The following ZAN variants were observed in gnomAD, a reference collection of about 807,000 sequenced individuals.
ZAN encodes the protein zonadhesin.
Under a neutral mutation model 286.2 loss-of-function variants are expected in ZAN, and 260 were observed. The observed-to-expected ratio is 0.91, with a 90% CI of 0.82 to 1.01. The LOEUF (loss-of-function observed/expected upper bound fraction) is 1.01, where lower values mean the gene tolerates loss of function less well. Ranked by LOEUF, ZAN falls within the 50% of genes least tolerant of loss-of-function variation. The pLI is 0.00. For synonymous variants in ZAN, 1,368 were observed against 1,417.5 expected (o/e 0.97, Z 0.79); for missense variants, 3,410 against 3,639.2 (o/e 0.94, Z 1.62).
At chr7:100,771,759 A>C in intron 28 of ZAN, 85 bp from the exon 29 acceptor site, 2 of 1,408,976 alleles carry the variant, frequency 1.4e-6, no homozygotes, top group Non-Finnish European at 1.9e-6. Flanking sequence ...ACTGAAGTGG[A>C]TGTCGAATCA....
chr7:100,776,524 G>T lies in ZAN; in HGVS notation c.6277G>T (p.Glu2093Ter). ...PSDEVANSDSEFVNSWKDKDI... is the reference protein window; with the variant it reads ...PSDEVANSDS ...CGATGAAGTAGCAAATAGTGACAGT[G>T]AATTTGTGAACAGTTGGAAAGATAA... The change falls in exon 34 of 48, where the codon GAA becomes TAA. Residue 2093 changes from glutamate to a stop codon, truncating the protein, a stop_gained. Coordinates refer to ENST00000613979, the MANE Select transcript of ZAN (RefSeq NM_003386.3). LOFTEE classifies it high-confidence loss of function. 1 of 1,571,816 alleles carries T rather than the reference G, an allele frequency of 6.4e-7. No homozygotes were observed.
chr7:100,752,279 C>G lies in ZAN; in HGVS notation c.2174C>G (p.Thr725Ser), dbSNP rs202043229. The change falls in exon 14 of 48, where the codon ACC becomes AGC. Residue 725 changes from threonine (T) to serine (S), a missense_variant. Physicochemically the swap from Thr to Ser is moderately conservative, Grantham distance 58. Transcript: ENST00000613979. ...EKPTIPTEKP[T>S]IPTEKSTISP... Reference sequence around the variant, plus strand: ...CCCACCATCCCCACAGAAAAACCCACCATCCCCACAGAAAAATCCACCATC... The same window carrying G: ...CCCACCATCCCCACAGAAAAACCCAGCATCCCCACAGAAAAATCCACCATC... 1.8e-4 allele frequency: 284 copies of G among 1,552,360 alleles called. 1 individual carries two copies. Among genetic ancestry groups the G allele is most frequent in the Middle Eastern group, 8.8e-4 (5 of 5,708 alleles).
At chr7:100,750,989 C>T in intron 12 of ZAN, 93 bp downstream of exon 12, 1 of 1,494,094 alleles carries the variant, frequency 6.7e-7, no homozygotes, top group Non-Finnish European at 8.9e-7. Context: ...AGGTGGAAAG[C>T]TGGAAAGAGA....
chr7:100,777,326 C>T (rs1466170944), intron 34 of ZAN, among the ~76,000 whole-genome samples: 1 of 151,390 alleles, frequency 6.6e-6, no homozygotes, highest in South Asian at 2.1e-4. Context: ...TAATCATGAG[C>T]GACTGCACCT....
rs1237373048 is a variant in ZAN, at chr7:100,789,216, A to T, written c.7228-2A>T. Reference sequence around the variant, plus strand: ...TCTGTGGCTCCTGTCTTCCCTCTTTAGGTCAACAACCAGAAGATGGCCGTC... The same window carrying T: ...TCTGTGGCTCCTGTCTTCCCTCTTTTGGTCAACAACCAGAAGATGGCCGTC... On this transcript the variant is annotated splice_acceptor_variant, in intron 38 of 47. Transcript: ENST00000613979. LOFTEE classifies it high-confidence loss of function. 2 of 1,612,802 alleles carry T rather than the reference A, an allele frequency of 1.2e-6. No individual in the cohort carries two copies. The highest frequency in any genetic ancestry group is 1.7e-6 in the Non-Finnish European group (2 of 1,179,468).
intron 27 of ZAN, among the ~76,000 whole-genome samples, chr7:100,768,923 T>G (rs1297523203): frequency 6.6e-6 from 1 of 152,168 alleles, no homozygotes; most frequent in African/African-American, 2.4e-5. Flanking sequence ...CGCCCACGCC[T>G]GCTGATTTCT....
At chr7:100,788,974 C>T (rs1811756536) in intron 38 of ZAN, among the ~76,000 whole-genome samples, 1 of 152,162 alleles carries the variant, frequency 6.6e-6, no homozygotes, top group African/African-American at 2.4e-5. Context: ...GCTAGAATTA[C>T]AGGTGTGAGC....
rs1225323158 is a variant in ZAN, at chr7:100,734,240, G to A, written c.53+19G>A. On this transcript the variant is annotated intron_variant, in intron 2 of 47. Coordinates refer to ENST00000613979, the MANE Select transcript of ZAN (RefSeq NM_003386.3). ...TTTTCAGGTAAGCTGGGCCCAGGGG[G>A]TAATGATAAACCAGGGTCAGCTGAG... 4 of 1,417,032 alleles carry A rather than the reference G, an allele frequency of 2.8e-6. No individual in the cohort carries two copies. The highest frequency in any genetic ancestry group is 3.8e-6 in the Non-Finnish European group (4 of 1,044,252). The allele number at this position is 1,417,032 out of a possible 1,614,324, so 87.8% of individuals were successfully genotyped here.
chr7:100,734,073 G>A lies in ZAN; in HGVS notation c.-96G>A. ...TCATTCTTCATGGCATCCTTGGAAGGATGCCAAGCTAAGGAGGCCAGGGGG... is the reference window on the plus strand; with the variant it reads ...TCATTCTTCATGGCATCCTTGGAAGAATGCCAAGCTAAGGAGGCCAGGGGG... On this transcript the variant is annotated 5_prime_UTR_variant, in exon 2 of 48. Transcript: ENST00000613979. 1.3e-6 allele frequency: 1 copy of A among 762,122 alleles called. No homozygotes were observed. 47.2% of individuals were successfully genotyped at this position (762,122 alleles called of 1,614,324 possible). A position where few individuals can be genotyped will look rare whatever the true frequency, so the allele number is the denominator to read the frequency against.
In ZAN at chr7:100,772,021, G is replaced by A. The variant is rs201949485; in HGVS notation, c.5425+1G>A. On this transcript the variant is annotated splice_donor_variant, in intron 29 of 47. Coordinates refer to ENST00000613979, the MANE Select transcript of ZAN (RefSeq NM_003386.3). LOFTEE classifies it high-confidence loss of function. ...GCCTGGCGGAACAGAACCTTCTGCC[G>A]TGAGTGACTGGCCACCTGTTCCCAC... 7.7e-5 allele frequency: 122 copies of A among 1,588,634 alleles called. No homozygotes were observed. The highest frequency in any genetic ancestry group is 1.8e-4 in the South Asian group (16 of 90,440).
At chr7:100,753,362 C>A in intron 14 of ZAN, 133 bp downstream of exon 14, 1 of 1,072,246 alleles carries the variant, frequency 9.3e-7, no homozygotes, top group Non-Finnish European at 1.3e-6. Context: ...CAGAGGAGAG[C>A]TGAAGTAGTC....
intron 7 of ZAN, among the ~76,000 whole-genome samples, chr7:100,742,727 G>C (rs888259262): frequency 1.5e-5 from 1 of 66,630 alleles, no homozygotes; most frequent in African/African-American, 5.9e-5. Flanking sequence ...GTGGCGGCGC[G>C]TGCCTGCAAT....
intron 39 of ZAN, among the ~76,000 whole-genome samples, chr7:100,790,205 A>G (rs1811846717): frequency 6.6e-6 from 1 of 152,130 alleles, no homozygotes; most frequent in Non-Finnish European, 1.5e-5. Context: ...TGGAGGCTGC[A>G]GTGAGCCATG....
chr7:100,783,912 A>G (rs1322260965), intron 35 of ZAN, among the ~76,000 whole-genome samples: 1 of 147,732 alleles, frequency 6.8e-6, no homozygotes, highest in Admixed American at 6.9e-5. Context: ...CTTCTTATCC[A>G]TGAACATGGT....
intron 1 of ZAN, 156 bp from the exon 2 acceptor site, chr7:100,733,871 T>C: frequency 3.9e-6 from 1 of 254,500 alleles, no homozygotes; most frequent in Non-Finnish European, 7.7e-6. Context: ...CTCCTTTCGT[T>C]TGAGGTTAGA....
chr7:100,749,820 A>G (rs1584562098), intron 11 of ZAN, among the ~76,000 whole-genome samples: 1 of 150,862 alleles, frequency 6.6e-6, no homozygotes. Flanking sequence ...GGAGGCTGAG[A>G]CGGGTGGATC....
In ZAN at chr7:100,739,239, G is replaced by A. The variant is rs544393366; in HGVS notation, c.766+626G>A. 9.6e-5 allele frequency among the ~76,000 whole-genome samples: 13 copies of A among 135,016 alleles called. 1 individual carries two copies. The highest frequency in any genetic ancestry group is 6.6e-4 in the East Asian group (3 of 4,572). The allele number at this position is 135,016 out of a possible 152,430, so 88.6% of individuals were successfully genotyped here. The stretch of plus-strand genomic sequence containing the variant: ...GTTGGCCAGGCTGGTCTCGAACTCC[G>A]GACCTCAAGTGGTCCACCTGCCTCA... On this transcript the variant is annotated intron_variant, in intron 7 of 47. Transcript: ENST00000613979.
At chr7:100,756,626 CA>C (rs2115902381) in intron 15 of ZAN, among the ~76,000 whole-genome samples, 1 of 152,068 alleles carries the variant, frequency 6.6e-6, no homozygotes, top group African/African-American at 2.4e-5. Flanking sequence ...ACAGCCTGGG[CA>C]GAAAGATCTG....
chr7:100,765,577 C>T (rs1372388305), intron 23 of ZAN, 23 bp downstream of exon 23: 6 of 1,575,146 alleles, frequency 3.8e-6, no homozygotes, highest in African/African-American at 1.4e-5. Flanking sequence ...GTGGACCTCT[C>T]AGCCCTGCAG....
Sources: allele counts gnomAD v4.1 joint callset (sites outside exome capture counted in the v4.1 genomes callset), GRCh38; gene constraint gnomAD v4.1.1; transcripts MANE v1.5; gene names NCBI Gene and HGNC (gene_info 2026-07-23, HGNC 2026-07-21).